Variants in NRXN3 observed in about 807,000 individuals in gnomAD.
NRXN3 encodes the protein neurexin III.
A neutral mutation model predicts 137.6 loss-of-function variants in NRXN3; 32 were observed. That is an observed-to-expected ratio of 0.23 (90% CI 0.18 to 0.31). The LOEUF (loss-of-function observed/expected upper bound fraction) is 0.31. Ranked by LOEUF, NRXN3 falls within the 10% of genes least tolerant of loss-of-function variation. The pLI, the probability that NRXN3 is intolerant of heterozygous loss-of-function variation, is 1.00. For synonymous variants in NRXN3, 798 were observed against 784.5 expected (o/e 1.02, Z -0.29); for missense variants, 1,574 against 2,062.5 (o/e 0.76, Z 4.59).
intron 15 of NRXN3, among the ~76,000 whole-genome samples, chr14:79,397,021 G>A (rs2095046660): frequency 6.6e-6 from 1 of 152,156 alleles, no homozygotes; most frequent in African/African-American, 2.4e-5. Context: ...CTTTGGGGAG[G>A]GAGCTGTTAG....
intron 8 of NRXN3, among the ~76,000 whole-genome samples, 188 bp from the exon 9 acceptor site, chr14:78,803,432 C>T (rs1040295989): frequency 2.6e-5 from 4 of 152,106 alleles, no homozygotes; most frequent in Non-Finnish European, 4.4e-5. Flanking sequence ...GGAAATAGAG[C>T]CTCAGAGGTT....
intron 15 of NRXN3, among the ~76,000 whole-genome samples, chr14:79,415,647 A>G (rs1265122078): frequency 6.6e-6 from 1 of 152,108 alleles, no homozygotes; most frequent in Non-Finnish European, 1.5e-5. Flanking sequence ...TAGTGTGTGT[A>G]TGCCTCTATA....
intron 15 of NRXN3, among the ~76,000 whole-genome samples, chr14:79,273,187 A>T (rs1462066717): frequency 4.1e-4 from 61 of 149,124 alleles, no homozygotes; most frequent in Middle Eastern, 6.9e-3. Context: ...AAAAAAAAAA[A>T]AAAAAAAAAA....
At chr14:79,787,857 T>G (rs563682893) in intron 19 of NRXN3, among the ~76,000 whole-genome samples, 7 of 152,296 alleles carry the variant, frequency 4.6e-5, no homozygotes, top group Admixed American at 2.6e-4. Context: ...GCTATTTATG[T>G]CCCTGATACC....
intron 15 of NRXN3, among the ~76,000 whole-genome samples, chr14:79,286,535 A>AATATATATATATATATATAT (rs111827205): frequency 1.4e-5 from 2 of 139,676 alleles, no homozygotes; most frequent in Non-Finnish European, 3.1e-5. Flanking sequence ...TTGAGAGAAT[A>AATATATATATATATATATAT]ATATATATAT....
At chr14:78,626,117 G>A (rs1381832075) in intron 4 of NRXN3, among the ~76,000 whole-genome samples, 1 of 152,188 alleles carries the variant, frequency 6.6e-6, no homozygotes, top group Non-Finnish European at 1.5e-5. Flanking sequence ...TTTTAAGGCA[G>A]CAAGGCACTT....
chr14:78,532,968 C>T (rs1051280701), intron 4 of NRXN3, among the ~76,000 whole-genome samples: 1 of 152,066 alleles, frequency 6.6e-6, no homozygotes, highest in African/African-American at 2.4e-5. Context: ...TAATTACTTT[C>T]TTCCTCAACA....
chr14:79,545,724 T>C (rs2097313139), intron 16 of NRXN3, among the ~76,000 whole-genome samples: 2 of 152,076 alleles, frequency 1.3e-5, no homozygotes, highest in African/African-American at 4.8e-5. Context: ...GTGAAAAATG[T>C]AATATATAGC....
At chr14:79,714,726 C>T (rs1472058929) in intron 19 of NRXN3, among the ~76,000 whole-genome samples, 1 of 152,162 alleles carries the variant, frequency 6.6e-6, no homozygotes, top group Non-Finnish European at 1.5e-5. Flanking sequence ...CTCTTTCTCT[C>T]TCTCCCTCAT....
chr14:78,778,681 T>TCTTTCTTTCTTTCTTTC (rs2098753345), intron 8 of NRXN3, among the ~76,000 whole-genome samples: 1 of 77,972 alleles, frequency 1.3e-5, no homozygotes, highest in African/African-American at 5.4e-5. Context: ...TCTTTTCTTT[T>TCTTTCTTTCTTTCTTTC]CTTTCTTTCT....
chr14:78,484,906 G>A (rs186215525), intron 4 of NRXN3, among the ~76,000 whole-genome samples: 2 of 152,248 alleles, frequency 1.3e-5, no homozygotes, highest in East Asian at 1.9e-4. Context: ...ACACTTGTCC[G>A]GATATGATAA....
intron 15 of NRXN3, among the ~76,000 whole-genome samples, chr14:79,339,265 A>AATCAT (rs1415388497): frequency 6.6e-6 from 1 of 152,232 alleles, no homozygotes; most frequent in Non-Finnish European, 1.5e-5. Flanking sequence ...AACGAGACAA[A>AATCAT]ATCATTCTAA....
intron 16 of NRXN3, among the ~76,000 whole-genome samples, chr14:79,511,527 T>C (rs1483012676): frequency 2.0e-5 from 3 of 152,212 alleles, no homozygotes; most frequent in African/African-American, 7.2e-5. Flanking sequence ...GTAATGCTCA[T>C]TTGAAGCTAT....
chr14:79,560,010 T>C (rs576396318), intron 16 of NRXN3, among the ~76,000 whole-genome samples: 1 of 151,656 alleles, frequency 6.6e-6, no homozygotes, highest in East Asian at 1.9e-4. Context: ...TAAAAAGAAT[T>C]CAAAATATAA....
Position 79,866,169 on chromosome 14 carries a change from A to G in NRXN3, c.*4205A>G, listed in dbSNP as rs1007116588. The G allele has an allele frequency of 6.6e-6, 1 of 152,186 alleles. No individual in the cohort carries two copies. The highest frequency in any genetic ancestry group is 2.4e-5 in the African/African-American group (1 of 41,458). The allele number at this position is 152,186 out of a possible 1,614,324, so 9.4% of individuals were successfully genotyped here. ...TTGCTCATATTCAAATTGAAGTTTG[A>G]TCTTTCTCCAAAAAATATCCAAGCC... On this transcript the variant is annotated 3_prime_UTR_variant, in exon 21 of 21. Transcript: ENST00000335750.
intron 1 of NRXN3, among the ~76,000 whole-genome samples, chr14:78,182,027 T>C (rs556773219): frequency 4.7e-4 from 70 of 150,436 alleles, no homozygotes; most frequent in African/African-American, 1.7e-3. Flanking sequence ...CACAAGTATG[T>C]CTATAATTAC....
intron 15 of NRXN3, among the ~76,000 whole-genome samples, chr14:79,113,012 C>T (rs1179490771): frequency 2.6e-5 from 4 of 152,090 alleles, no homozygotes; most frequent in Non-Finnish European, 4.4e-5. Context: ...CACAGTAGAC[C>T]GACCTTTCTC....
At chr14:78,685,683 A>G in intron 6 of NRXN3, among the ~76,000 whole-genome samples, 1 of 134,018 alleles carries the variant, frequency 7.5e-6, no homozygotes, top group Non-Finnish European at 1.5e-5. Flanking sequence ...CCCAGGATGG[A>G]GTGCAATGGC....
At chr14:78,478,514 G>GTAGT (rs2095418302) in intron 4 of NRXN3, among the ~76,000 whole-genome samples, 1 of 151,954 alleles carries the variant, frequency 6.6e-6, no homozygotes. Context: ...AACCCACAGG[G>GTAGT]TAACTATGTT....
Sources: allele counts gnomAD v4.1 joint callset (sites outside exome capture counted in the v4.1 genomes callset), GRCh38; gene constraint gnomAD v4.1.1; transcripts MANE v1.5; gene names NCBI Gene and HGNC (gene_info 2026-07-23, HGNC 2026-07-21).